The following TTI2 variants were observed in gnomAD, a reference collection of about 807,000 sequenced individuals.
TTI2 encodes TELO2-interacting protein 2.
TTI2 carries 26 observed loss-of-function variants against 44.9 expected under a neutral mutation model. The ratio of observed to expected loss-of-function variants is 0.58; its 90% CI spans 0.42 to 0.80. TTI2 has a LOEUF of 0.80. Ranked by LOEUF, TTI2 falls within the 30% of genes least tolerant of loss-of-function variation. The pLI is 0.00. For synonymous variants in TTI2, 254 were observed against 250.9 expected, an observed-to-expected ratio of 1.01 and a Z score of -0.12; for missense variants, 582 against 611.6, an observed-to-expected ratio of 0.95 and a Z score of 0.51.
chr8:33,499,210 T>A lies in TTI2; in HGVS notation c.1490A>T (p.Gln497Leu), dbSNP rs1808968142. 1 of 1,614,058 alleles carries A rather than the reference T, an allele frequency of 6.2e-7. No homozygotes were observed. The highest frequency in any genetic ancestry group is 8.5e-7 in the Non-Finnish European group (1 of 1,180,016). Residue 497 changes from glutamine (Q) to leucine (L), a missense_variant, in exon 8 of 8, where the codon CAG becomes CTG. Coordinates refer to ENST00000431156, the MANE Select transcript of TTI2 (RefSeq NM_001102401.4). The part of the protein sequence containing the change: ...RKVVNYIRKV[Q>L]QVSEGAPYNG... ...GTAGGGTGCGCCTTCAGAAACCTGC[T>A]GCACTTTTCTGATATAGTTCACCAC...
At chr8:33,503,713 A>T in intron 5 of TTI2, 35 bp downstream of exon 5, 2 of 1,611,472 alleles carry the variant, frequency 1.2e-6, no homozygotes, top group Non-Finnish European at 1.7e-6. Flanking sequence ...TCCTGTCTGT[A>T]TAAAATAATA....
intron 4 of TTI2, among the ~76,000 whole-genome samples, chr8:33,505,485 CT>C (rs11446015): frequency 0.013 from 1,949 of 146,980 alleles, 48 homozygotes; most frequent in South Asian, 0.12. Context: ...GCCACTGCAC[CT>C]TTTTTTTTTC....
intron 6 of TTI2, among the ~76,000 whole-genome samples, 181 bp downstream of exon 6, chr8:33,503,248 T>C (rs1423678246): frequency 6.6e-6 from 1 of 152,062 alleles, no homozygotes; most frequent in Non-Finnish European, 1.5e-5. Context: ...CTCAAGTAAC[T>C]ATAGTATATT....
rs1809594383 is a variant in TTI2 at position 33,512,587 on chromosome 8, G to T, written c.27C>A (p.Ala9=). Residue 9 remains alanine, a synonymous_variant, in exon 2 of 8, where the codon GCC becomes GCA. Coordinates refer to ENST00000431156, the MANE Select transcript of TTI2 (RefSeq NM_001102401.4). MELDSALE[A]PSQEDSNLSE... ...ACAAATTAGAGTCTTCCTGCGATGGGGCTTCCAGAGCGCTGTCAAGCTCCA... is the reference window on the plus strand; with the variant it reads ...ACAAATTAGAGTCTTCCTGCGATGGTGCTTCCAGAGCGCTGTCAAGCTCCA... The T allele has an allele frequency of 1.9e-6, 3 of 1,613,534 alleles. No individual in the cohort carries two copies. The highest frequency in any genetic ancestry group is 2.7e-5 in the African/African-American group (2 of 74,888).
In TTI2 at chr8:33,500,350, C is replaced by T. The variant is rs531387294; in HGVS notation, c.1400G>A (p.Arg467His). The T allele has an allele frequency of 1.6e-5, 26 of 1,614,078 alleles. No homozygotes were observed. The highest frequency in any genetic ancestry group is 1.6e-4 in the Middle Eastern group (1 of 6,062). ...TACCTTTACCCGTCCTTGAGAACAG[C>T]GGTCCAGGAGAATCAGGCAGTCTGT... is the stretch of plus-strand genomic sequence containing the variant. Reference protein sequence around the residue: ...EATDCLILLDRCSQGRVKGLL... With the variant: ...EATDCLILLDHCSQGRVKGLL... The change falls in exon 7 of 8, where the codon CGC becomes CAC. Residue 467 changes from arginine to histidine, a missense_variant. Coordinates refer to ENST00000431156, the MANE Select transcript of TTI2 (RefSeq NM_001102401.4).
intron 4 of TTI2, among the ~76,000 whole-genome samples, chr8:33,506,304 G>A (rs1809291125): frequency 6.6e-6 from 1 of 151,966 alleles, no homozygotes; most frequent in Non-Finnish European, 1.5e-5. Context: ...AGTTTCAAGT[G>A]TGTGTGCTGA....
At position 33,503,790 on chromosome 8, in the gene TTI2, A is replaced by G. The variant is rs187763578; in HGVS notation, c.1073T>C (p.Leu358Ser). The part of the protein sequence containing the change: ...THMEPEHRLL[L>S]RRTYARNLPA... ...CAGGTTTCTTGCGTAGGTCCTGCGT[A>G]AAAGAAGGCGGTGCTCTGGCTCCAT... The change falls in exon 5 of 8, where the codon TTA (leucine) becomes TCA (serine). Residue 358 changes from leucine to serine, a missense_variant. Physicochemically the swap from Leu to Ser is moderately radical, Grantham distance 145. Transcript: ENST00000431156. The G allele has an allele frequency of 6.2e-7, 1 of 1,614,040 alleles. No individual in the cohort carries two copies. The highest frequency in any genetic ancestry group is 2.2e-5 in the East Asian group (1 of 44,876).
chr8:33,502,340 A>C (rs1428085407), intron 6 of TTI2, among the ~76,000 whole-genome samples: 1 of 152,252 alleles, frequency 6.6e-6, no homozygotes, highest in Admixed American at 6.5e-5. Context: ...TAGGATTAAC[A>C]AAGTTAAGCA....
At chr8:33,509,455 CAAA>C (rs767485555) in intron 3 of TTI2, among the ~76,000 whole-genome samples, 3 of 69,582 alleles carry the variant, frequency 4.3e-5, no homozygotes, top group Non-Finnish European at 2.6e-5. Context: ...GACTCCCTCT[CAAA>C]AAAAAAAAAA....
rs758438191 is a variant in TTI2 at position 33,512,365 on chromosome 8, C to T, written c.249G>A (p.Gly83=). 7.4e-6 allele frequency: 12 copies of T among 1,614,090 alleles called. No individual in the cohort carries two copies. Among genetic ancestry groups the T allele is most frequent in the South Asian group, 4.4e-5 (4 of 91,086 alleles). The change falls in exon 2 of 8, where the codon GGG becomes GGA. Residue 83 remains glycine (G), a synonymous_variant. Coordinates refer to ENST00000431156, the MANE Select transcript of TTI2 (RefSeq NM_001102401.4). ...ARLRGMPETL[G]QVAKALEKYA... Reference sequence around the variant, plus strand: ...ACTTCTCCAGGGCTTTTGCTACCTGCCCCAGTGTCTCCGGCATTCCGCGGA... The same window carrying T: ...ACTTCTCCAGGGCTTTTGCTACCTGTCCCAGTGTCTCCGGCATTCCGCGGA...
At chr8:33,509,997 A>AAT in intron 2 of TTI2, 65 bp from the exon 3 acceptor site, 1 of 1,244,674 alleles carries the variant, frequency 8.0e-7, no homozygotes, top group Non-Finnish European at 1.1e-6. Context: ...AAAAAAAAAA[A>AAT]AACTACTTCA....
rs570109832 is a variant in TTI2 at position 33,502,922 on chromosome 8, G to A, written c.1259+507C>T. Among the ~76,000 whole-genome samples, 434 of 152,038 alleles carry A rather than the reference G, an allele frequency of 2.9e-3. 3 individuals carry two copies. Among genetic ancestry groups the A allele is most frequent in the Non-Finnish European group, 5.3e-3 (363 of 67,994 alleles). ...AGGCGGGTGGATTACAAGGTCAGGA[G>A]TTCAAGACCAGCCTGGCCAACATAG... is the stretch of plus-strand genomic sequence containing the variant. On this transcript the variant is annotated intron_variant, in intron 6 of 7. Coordinates refer to ENST00000431156, the MANE Select transcript of TTI2 (RefSeq NM_001102401.4).
chr8:33,508,607 G>C, intron 3 of TTI2, among the ~76,000 whole-genome samples: 1 of 100,044 alleles, frequency 1.0e-5, no homozygotes, highest in Admixed American at 1.4e-4. Flanking sequence ...GACAGAGCAA[G>C]ACTCTGCCTC....
Position 33,512,502 on chromosome 8 carries a change from C to A in TTI2, c.112G>T (p.Ala38Ser). 1 of 1,614,112 alleles carries A rather than the reference C, an allele frequency of 6.2e-7. No homozygotes were observed. The highest frequency in any genetic ancestry group is 8.5e-7 in the Non-Finnish European group (1 of 1,180,038). ...TTGCCTCGTCGTGCCTCCGGGCGGG[C>A]AAGACAGTGTAAAATCTTGGAGAAG... ...QAFSKILHCL[A>S]RPEARRGNVK... Residue 38 changes from alanine (A) to serine (S), a missense_variant, in exon 2 of 8, where the codon GCC becomes TCC. By Grantham distance (99) the Ala-to-Ser change is moderately conservative (BLOSUM62 1). Coordinates refer to ENST00000431156, the MANE Select transcript of TTI2 (RefSeq NM_001102401.4).
intron 6 of TTI2, 125 bp downstream of exon 6, chr8:33,503,304 G>A (rs1809168826): frequency 6.7e-6 from 9 of 1,343,840 alleles, no homozygotes; most frequent in African/African-American, 1.4e-5. Flanking sequence ...CTATAGGTGT[G>A]TGAAAATGGG....
At chr8:33,502,878 C>T (rs62511889) in intron 6 of TTI2, among the ~76,000 whole-genome samples, 1 of 151,126 alleles carries the variant, frequency 6.6e-6, no homozygotes, top group African/African-American at 2.4e-5. Context: ...GCCTGTAACC[C>T]CAGCACTTTG....
intron 4 of TTI2, among the ~76,000 whole-genome samples, chr8:33,506,076 C>T (rs140191935): frequency 6.9e-4 from 105 of 152,168 alleles, no homozygotes; most frequent in African/African-American, 2.4e-3. Flanking sequence ...TGAGCCCTCG[C>T]GCCTGGCCAC....
chr8:33,500,219 TG>T (rs1809016148), intron 7 of TTI2, 108 bp downstream of exon 7: 1 of 1,303,560 alleles, frequency 7.7e-7, no homozygotes, highest in Admixed American at 1.9e-5. Flanking sequence ...AAACCCTCCA[TG>T]TTCATTTCCA....
At position 33,511,926 on chromosome 8, in the gene TTI2, C is replaced by T. The variant is rs140505386; in HGVS notation, c.647+41G>A. The T allele has an allele frequency of 5.0e-6, 8 of 1,600,138 alleles. No homozygotes were observed. The African/African-American group carries it at 6.7e-5, about 13-fold the overall frequency. ...AATAATAAAAAATAAAAATAAAAAA[C>T]TGTGAGGCTCAAGTCGGTGGCAAAG... On this transcript the variant is annotated intron_variant, in intron 2 of 7. Coordinates refer to ENST00000431156, the MANE Select transcript of TTI2 (RefSeq NM_001102401.4).
Sources: allele counts gnomAD v4.1 joint callset (sites outside exome capture counted in the v4.1 genomes callset), GRCh38; gene constraint gnomAD v4.1.1; transcripts MANE v1.5; gene names NCBI Gene and HGNC (gene_info 2026-07-23, HGNC 2026-07-21).